The following ZDHHC23 variants were observed in gnomAD, a reference collection of about 807,000 sequenced individuals.
ZDHHC23 encodes the protein zDHHC palmitoyltransferase 23, also known as palmitoyltransferase ZDHHC23.
Under a neutral mutation model 40.2 loss-of-function variants are expected in ZDHHC23, and 41 were observed. That is an observed-to-expected ratio of 1.02 (90% CI 0.79 to 1.32). ZDHHC23 has a LOEUF of 1.32. Ranked by LOEUF, ZDHHC23 falls within the 40% of genes most tolerant of loss-of-function variation. The pLI, the probability that ZDHHC23 is intolerant of heterozygous loss-of-function variation, is 0.00. For synonymous variants in ZDHHC23, 204 were observed against 210.2 expected, an observed-to-expected ratio of 0.97 and a Z score of 0.26; for missense variants, 471 against 541.5, an observed-to-expected ratio of 0.87 and a Z score of 1.29.
the ZDHHC23 span, chr3:113,979,050 T>A: frequency 6.4e-7 from 1 of 1,562,920 alleles, no homozygotes; most frequent in South Asian, 1.1e-5. Context: ...TTCCTTAAAT[T>A]TTAAATCATT....
downstream of ZDHHC23, chr3:113,965,478 G>A (rs1940030128): frequency 3.7e-6 from 2 of 536,432 alleles, no homozygotes; most frequent in Non-Finnish European, 6.3e-6. Context: ...TATAAAAGGT[G>A]TGGAAATCAC....
chr3:113,956,375 A>AT lies in ZDHHC23; in HGVS notation c.912dup (p.Ile305TyrfsTer24). ...GCGTTGGAGAATCAAATCATCAAGC[A>AT]TTTATACTTGCCCTTTTGATCTTCT... On this transcript the variant is annotated frameshift_variant, in exon 4 of 5. Transcript: ENST00000638807. LOFTEE classifies it high-confidence loss of function. 1 of 1,614,214 alleles carries AT rather than the reference A, an allele frequency of 6.2e-7. No homozygotes were observed. Among genetic ancestry groups the AT allele is most frequent in the Non-Finnish European group, 8.5e-7 (1 of 1,180,034 alleles).
At chr3:113,952,703 T>C (rs887163653) in intron 2 of ZDHHC23, among the ~76,000 whole-genome samples, 18 of 152,350 alleles carry the variant, frequency 1.2e-4, no homozygotes, top group East Asian at 1.2e-3. Flanking sequence ...ACAACAGATA[T>C]TTATTGCTCA....
downstream of ZDHHC23, chr3:113,965,335 C>T: frequency 1.2e-5 from 19 of 1,598,238 alleles, no homozygotes; most frequent in Non-Finnish European, 1.6e-5. Context: ...TCTTCCATGT[C>T]CGAAGGGTGA....
In ZDHHC23 at chr3:113,959,745, C is replaced by T; in HGVS notation, c.*1115C>T. The T allele has an allele frequency of 9.3e-7, 1 of 1,078,028 alleles. No individual in the cohort carries two copies. 66.8% of individuals were successfully genotyped at this position (1,078,028 alleles called of 1,614,324 possible). On this transcript the variant is annotated 3_prime_UTR_variant, in exon 5 of 5. Transcript: ENST00000638807. ...ACTTTGAGGAGTTGAGTGACATCTTCCCACTTAACTTGCACATTAATTCTC... is the reference window on the plus strand; with the variant it reads ...ACTTTGAGGAGTTGAGTGACATCTTTCCACTTAACTTGCACATTAATTCTC...
intron 3 of ZDHHC23, among the ~76,000 whole-genome samples, chr3:113,955,051 T>G (rs1939040259): frequency 6.6e-6 from 1 of 152,206 alleles, no homozygotes; most frequent in South Asian, 2.1e-4. Context: ...TAAATACATC[T>G]AAACTAAAGG....
Position 113,960,403 on chromosome 3 carries a change from A to G in ZDHHC23, c.*1773A>G. 7 of 1,238,152 alleles carry G rather than the reference A, an allele frequency of 5.7e-6. No individual in the cohort carries two copies. The highest frequency in any genetic ancestry group is 6.1e-6 in the Non-Finnish European group (6 of 989,320). 76.7% of individuals were successfully genotyped at this position (1,238,152 alleles called of 1,614,324 possible). On this transcript the variant is annotated 3_prime_UTR_variant, in exon 5 of 5. Transcript: ENST00000638807. ...GAGCTGAATATTCATCTAGAATTAA[A>G]GTTGGATTTGATATAACAAATTTCT...
chr3:113,979,137 A>T, the ZDHHC23 span: 1 of 829,726 alleles, frequency 1.2e-6, no homozygotes, highest in Non-Finnish European at 1.9e-6. Context: ...CTGAAGGTAC[A>T]TGCAGCCTGT....
downstream of ZDHHC23, among the ~76,000 whole-genome samples, chr3:113,965,756 AT>A (rs993873411): frequency 1.7e-4 from 25 of 148,264 alleles, no homozygotes; most frequent in African/African-American, 5.5e-4. Flanking sequence ...TGCCTGGCTA[AT>A]TTTTTTTTTG....
chr3:113,960,838 C>T lies in ZDHHC23; in HGVS notation c.*2208C>T, dbSNP rs541544850. Reference sequence around the variant, plus strand: ...AAGTTCCTTGAGAACCCATGATGGACAGTTGACAGAATGCTTAAACCTGTC... The same window carrying T: ...AAGTTCCTTGAGAACCCATGATGGATAGTTGACAGAATGCTTAAACCTGTC... On this transcript the variant is annotated 3_prime_UTR_variant, in exon 5 of 5. Transcript: ENST00000638807. 1 of 1,471,672 alleles carries T rather than the reference C, an allele frequency of 6.8e-7. No individual in the cohort carries two copies. Among genetic ancestry groups the T allele is most frequent in the South Asian group, 1.4e-5 (1 of 71,034 alleles). The allele number at this position is 1,471,672 out of a possible 1,614,324, so 91.2% of individuals were successfully genotyped here.
chr3:113,971,683 C>T, the ZDHHC23 span, among the ~76,000 whole-genome samples: 3 of 151,902 alleles, frequency 2.0e-5, no homozygotes, highest in Admixed American at 6.6e-5. Flanking sequence ...TAATGCTGGC[C>T]TGATAGAATA....
intron 4 of ZDHHC23, chr3:113,957,609 CT>C (rs1559848915): frequency 2.3e-5 from 10 of 443,600 alleles, no homozygotes; most frequent in South Asian, 1.6e-4. Flanking sequence ...AGCACCTCAT[CT>C]TTTTGGTTAG....
At chr3:113,951,482 G>C (rs1938655170) in intron 2 of ZDHHC23, among the ~76,000 whole-genome samples, 1 of 152,202 alleles carries the variant, frequency 6.6e-6, no homozygotes, top group African/African-American at 2.4e-5. Flanking sequence ...AGGCCCAGTG[G>C]AGCCACACCT....
chr3:113,974,488 T>C, the ZDHHC23 span, among the ~76,000 whole-genome samples: 3 of 151,952 alleles, frequency 2.0e-5, no homozygotes, highest in African/African-American at 7.3e-5. Flanking sequence ...CCTGGCTAAT[T>C]TTTGTATTTT....
chr3:113,971,834 T>A, the ZDHHC23 span, among the ~76,000 whole-genome samples: 2 of 152,146 alleles, frequency 1.3e-5, no homozygotes, highest in African/African-American at 4.8e-5. Flanking sequence ...TGAGACTTTT[T>A]AATTACAGCT....
At position 113,958,883 on chromosome 3, in the gene ZDHHC23, G is replaced by A; in HGVS notation, c.*253G>A. On this transcript the variant is annotated 3_prime_UTR_variant, in exon 5 of 5. Coordinates refer to ENST00000638807, the MANE Select transcript of ZDHHC23 (RefSeq NM_001320466.2). ...AATTGACTCAGTTGCCTGAACTTGA[G>A]AAGGATGTGGATTGCTAATGCACAA... 12 of 1,304,744 alleles carry A rather than the reference G, an allele frequency of 9.2e-6. No homozygotes were observed. In the South Asian group the frequency reaches 1.5e-4, roughly 17 times the overall value. 80.8% of individuals were successfully genotyped at this position (1,304,744 alleles called of 1,614,324 possible).
rs529612600 is a variant in ZDHHC23, at chr3:113,956,335, T to G, written c.873-4T>G. The G allele has an allele frequency of 8.7e-6, 14 of 1,613,008 alleles. No homozygotes were observed. In the African/African-American group the frequency reaches 1.7e-4, roughly 20 times the overall value. The stretch of plus-strand genomic sequence containing the variant: ...GCTTTTTTATTTCTCTATGCTGTTT[T>G]GAGGATAAATAGCTGCGTTGGAGAA... On this transcript the variant is annotated splice_polypyrimidine_tract_variant and splice_region_variant and intron_variant, in intron 3 of 4. Coordinates refer to ENST00000638807, the MANE Select transcript of ZDHHC23 (RefSeq NM_001320466.2).
Position 113,956,339 on chromosome 3 carries a change from G to A in ZDHHC23, c.873G>A (p.Trp291Ter). ...CVRRMDHHCV[W>*]INSCVGESNH... ...TTTTATTTCTCTATGCTGTTTTGAG[G>A]ATAAATAGCTGCGTTGGAGAATCAA... Residue 291 changes from tryptophan to a stop codon, truncating the protein, a stop_gained and splice_region_variant, in exon 4 of 5, where the codon TGG (tryptophan) becomes TGA (stop). Coordinates refer to ENST00000638807, the MANE Select transcript of ZDHHC23 (RefSeq NM_001320466.2). LOFTEE classifies it high-confidence loss of function. 6.2e-7 allele frequency: 1 copy of A among 1,613,212 alleles called. No homozygotes were observed. The highest frequency in any genetic ancestry group is 8.5e-7 in the Non-Finnish European group (1 of 1,179,766).
chr3:113,965,483 A>G (rs1476435125), downstream of ZDHHC23: 1 of 526,398 alleles, frequency 1.9e-6, no homozygotes, highest in Non-Finnish European at 3.2e-6. Context: ...AAGGTGTGGA[A>G]ATCACAATCG....
Sources: allele counts gnomAD v4.1 joint callset (sites outside exome capture counted in the v4.1 genomes callset), GRCh38; gene constraint gnomAD v4.1.1; transcripts MANE v1.5; gene names NCBI Gene and HGNC (gene_info 2026-07-23, HGNC 2026-07-21).